Variants in MNAT1 observed in about 807,000 individuals in gnomAD.
The protein encoded by MNAT1 is CDK-activating kinase assembly factor MAT1.
MNAT1 carries 43 observed loss-of-function variants against 42.0 expected under a neutral mutation model. That is an observed-to-expected ratio of 1.02 (90% CI 0.80 to 1.32). MNAT1 has a LOEUF of 1.32. Among genes scored for constraint, MNAT1 ranks in the 40% most tolerant of loss-of-function variants. The probability of loss-of-function intolerance (pLI) is 0.00; values close to 1 mark genes in which losing one functional copy is unlikely to be tolerated. For synonymous variants in MNAT1, 118 were observed against 120.0 expected (o/e 0.98, Z 0.11); for missense variants, 306 against 350.4 (o/e 0.87, Z 1.01).
rs1314394161 is a variant in MNAT1, at chr14:60,812,057, T to G, written c.491T>G (p.Phe164Cys). The G allele has an allele frequency of 2.3e-5, 37 of 1,605,378 alleles. No individual in the cohort carries two copies. Among genetic ancestry groups the G allele is most frequent in the Non-Finnish European group, 3.0e-5 (35 of 1,177,234 alleles). The change falls in exon 5 of 8, where the codon TTT becomes TGT. Residue 164 changes from phenylalanine (F) to cysteine (C), a missense_variant. This residue lies in a region of MNAT1 where 118 missense variants were observed against 99.8 expected (regional missense o/e 1.18). Coordinates refer to ENST00000261245, the MANE Select transcript of MNAT1 (RefSeq NM_002431.4). Reference protein sequence around the residue: ...ERQENEQRRLFIQKEEQLQQI... With the variant: ...ERQENEQRRLCIQKEEQLQQI... ...CAGGAAAATGAACAAAGAAGATTAT[T>G]TATACAAAAAGAAGAACAACTGCAG...
chr14:60,793,548 A>G (rs1011112924), intron 1 of MNAT1, among the ~76,000 whole-genome samples: 57 of 151,720 alleles, frequency 3.8e-4, no homozygotes, highest in African/African-American at 1.4e-3. Context: ...AAATTTTTAT[A>G]TTTTGTAGAG....
chr14:60,873,673 G>T (rs1302330707), intron 6 of MNAT1, among the ~76,000 whole-genome samples: 9 of 134,738 alleles, frequency 6.7e-5, no homozygotes, highest in African/African-American at 2.5e-4. Flanking sequence ...GGCTCACTAT[G>T]TTGCCCAGGC....
Position 60,850,078 on chromosome 14 carries a change from G to A in MNAT1, c.688-29636G>A, listed in dbSNP as rs4151251. On this transcript the variant is annotated intron_variant, in intron 6 of 7. Coordinates refer to ENST00000261245, the MANE Select transcript of MNAT1 (RefSeq NM_002431.4). ...TATCAAACTCCTGACCTCAGGTGATGCACCTGCCTCAGCCTCCCAAAGTAC... is the reference window on the plus strand; with the variant it reads ...TATCAAACTCCTGACCTCAGGTGATACACCTGCCTCAGCCTCCCAAAGTAC... Among the ~76,000 whole-genome samples the A allele has an allele frequency of 1.1e-3, 168 of 152,174 alleles. No homozygotes were observed. The East Asian group carries it at 0.023, about 21-fold the overall frequency.
At chr14:60,779,692 A>T (rs1386584529) in intron 1 of MNAT1, among the ~76,000 whole-genome samples, 1 of 151,992 alleles carries the variant, frequency 6.6e-6, no homozygotes, top group Non-Finnish European at 1.5e-5. Flanking sequence ...AGGCTGAGGC[A>T]GGGGAATCGC....
chr14:60,967,780 C>A (rs1370372177), intron 7 of MNAT1, among the ~76,000 whole-genome samples: 2 of 152,172 alleles, frequency 1.3e-5, no homozygotes, highest in Non-Finnish European at 2.9e-5. Context: ...TTTCTCCCCT[C>A]TTCCATTTGT....
At chr14:60,800,539 C>G (rs1183173628) in intron 3 of MNAT1, among the ~76,000 whole-genome samples, 2 of 151,760 alleles carry the variant, frequency 1.3e-5, no homozygotes, top group East Asian at 3.9e-4. Context: ...GCCCATGTCT[C>G]AAAAAACCAG....
intron 6 of MNAT1, among the ~76,000 whole-genome samples, chr14:60,820,905 A>G (rs1438864891): frequency 6.6e-6 from 1 of 152,218 alleles, no homozygotes; most frequent in Non-Finnish European, 1.5e-5. Flanking sequence ...CCTCTGAGAA[A>G]GTGACATTTG....
chr14:60,815,401 G>A (rs1020286156), intron 5 of MNAT1, among the ~76,000 whole-genome samples: 1 of 152,086 alleles, frequency 6.6e-6, no homozygotes, highest in Admixed American at 6.5e-5. Flanking sequence ...ATTTTTGGTA[G>A]AGATGGGGTT....
At chr14:60,855,619 C>T (rs530882354) in intron 6 of MNAT1, among the ~76,000 whole-genome samples, 1 of 152,276 alleles carries the variant, frequency 6.6e-6, no homozygotes, top group Admixed American at 6.5e-5. Context: ...TCTGTTCACC[C>T]TCCATGGGTT....
At chr14:60,738,899 G>C (rs895452366) in intron 1 of MNAT1, among the ~76,000 whole-genome samples, 1 of 152,172 alleles carries the variant, frequency 6.6e-6, no homozygotes, top group African/African-American at 2.4e-5. Flanking sequence ...TATATTTCAT[G>C]GGATTGAATA....
intron 1 of MNAT1, among the ~76,000 whole-genome samples, chr14:60,736,294 GT>G (rs1195218975): frequency 9.2e-5 from 13 of 141,622 alleles, no homozygotes; most frequent in Admixed American, 1.4e-4. Context: ...AAGAGAGTTT[GT>G]TTTTTTTTTT....
At chr14:60,861,944 T>C (rs2034105001) in intron 6 of MNAT1, among the ~76,000 whole-genome samples, 1 of 152,212 alleles carries the variant, frequency 6.6e-6, no homozygotes, top group Admixed American at 6.5e-5. Flanking sequence ...GTCTTGTATA[T>C]CAGAGTCCAG....
At chr14:60,801,595 A>C (rs1270986929) in intron 3 of MNAT1, among the ~76,000 whole-genome samples, 2 of 152,222 alleles carry the variant, frequency 1.3e-5, no homozygotes, top group African/African-American at 2.4e-5. Context: ...AACACCACTA[A>C]TCATCAGAGA....
At chr14:60,907,551 C>T (rs767543867) in intron 7 of MNAT1, among the ~76,000 whole-genome samples, 10 of 151,210 alleles carry the variant, frequency 6.6e-5, no homozygotes, top group Non-Finnish European at 1.0e-4. Flanking sequence ...CAGGCCTAAG[C>T]GGGCAGATCA....
intron 1 of MNAT1, among the ~76,000 whole-genome samples, chr14:60,769,482 C>G (rs1345497497): frequency 6.6e-6 from 1 of 151,720 alleles, no homozygotes; most frequent in East Asian, 1.9e-4. Context: ...GGCGGTCTAA[C>G]TTTGTTGCAC....
At chr14:60,947,780 A>G (rs189724317) in intron 7 of MNAT1, among the ~76,000 whole-genome samples, 135 of 152,310 alleles carry the variant, frequency 8.9e-4, no homozygotes, top group African/African-American at 2.8e-3. Flanking sequence ...CTGTCATTCT[A>G]CCTGTGTCTG....
At chr14:60,783,595 C>T (rs1043979259) in intron 1 of MNAT1, among the ~76,000 whole-genome samples, 5 of 152,184 alleles carry the variant, frequency 3.3e-5, no homozygotes, top group South Asian at 4.1e-4. Flanking sequence ...CTCCCAGGTT[C>T]ACGCCATTCT....
intron 7 of MNAT1, among the ~76,000 whole-genome samples, chr14:60,927,221 A>G (rs2035785931): frequency 6.6e-6 from 1 of 152,148 alleles, no homozygotes; most frequent in South Asian, 2.1e-4. Flanking sequence ...GGCCCTGTAA[A>G]AGGCACTCAG....
At chr14:60,786,654 C>CA (rs1401542803) in intron 1 of MNAT1, among the ~76,000 whole-genome samples, 1 of 151,964 alleles carries the variant, frequency 6.6e-6, no homozygotes, top group South Asian at 2.1e-4. Flanking sequence ...TTTTCCAAAA[C>CA]AAAAAAATTT....
Sources: gnomAD v4.1 joint callset for allele counts (sites outside exome capture counted in the v4.1 genomes callset) on GRCh38, gnomAD v4.1.1 for gene constraint, gnomAD v4.1.1 regional missense constraint, MANE v1.5 for transcripts, NCBI Gene and HGNC (gene_info 2026-07-23, HGNC 2026-07-21) for gene names.